TENM1: variants seen among roughly 807,000 people sequenced by gnomAD.
TENM1 encodes the protein teneurin transmembrane protein 1.
A neutral mutation model predicts 174.8 loss-of-function variants in TENM1; 35 were observed. That is an observed-to-expected ratio of 0.20 (90% CI 0.15 to 0.27). TENM1 has a LOEUF of 0.27. TENM1 is among the 10% of genes least tolerant of loss of function. The pLI is 1.00. For synonymous variants in TENM1, 781 were observed against 798.7 expected (o/e 0.98, Z 0.37); for missense variants, 1,633 against 2,130.1 (o/e 0.77, Z 4.59).
intron 23 of TENM1, among the ~76,000 whole-genome samples, chrX:124,440,579 G>T (rs1396076688): frequency 9.0e-6 from 1 of 111,660 alleles, no homozygotes; most frequent in Non-Finnish European, 1.9e-5. Flanking sequence ...AGAAAAAAAT[G>T]ATTTAACATT....
the TENM1 span, among the ~76,000 whole-genome samples, chrX:125,119,456 T>TTC: frequency 9.1e-6 from 1 of 110,282 alleles, no homozygotes; most frequent in African/African-American, 3.3e-5. Context: ...ACTGCTTTTT[T>TTC]TTTTTTCATC....
intron 7 of TENM1, among the ~76,000 whole-genome samples, chrX:124,653,233 G>T (rs2051355414): frequency 9.0e-6 from 1 of 111,462 alleles, no homozygotes; most frequent in African/African-American, 3.3e-5. Context: ...CCTTCATTGG[G>T]AAAAGGGGAC....
chrX:124,543,236 A>G (rs1250026366), intron 15 of TENM1, among the ~76,000 whole-genome samples: 1 of 112,456 alleles, frequency 8.9e-6, no homozygotes, highest in Non-Finnish European at 1.9e-5. Context: ...AATTTTCTGG[A>G]GAAGGAAGAT....
intron 5 of TENM1, among the ~76,000 whole-genome samples, chrX:124,697,768 G>A (rs1334573018): frequency 9.0e-6 from 1 of 110,935 alleles, no homozygotes; most frequent in Non-Finnish European, 1.9e-5. Context: ...AAAAATTAGT[G>A]AGAATAGTGG....
the TENM1 span, among the ~76,000 whole-genome samples, chrX:125,158,510 T>C: frequency 9.2e-6 from 1 of 108,838 alleles, no homozygotes; most frequent in Admixed American, 9.9e-5. Context: ...GGAGCAGAGA[T>C]ACAGGGTCAT....
intron 1 of TENM1, among the ~76,000 whole-genome samples, chrX:124,918,105 C>T (rs184637999): frequency 2.7e-5 from 3 of 111,776 alleles, no homozygotes; most frequent in Admixed American, 9.5e-5. Flanking sequence ...CATATCCTAG[C>T]TTGGGCTATT....
intron 11 of TENM1, among the ~76,000 whole-genome samples, chrX:124,628,761 T>C (rs1156863149): frequency 8.9e-6 from 1 of 112,254 alleles, no homozygotes; most frequent in Non-Finnish European, 1.9e-5. Context: ...CATGACTTCC[T>C]TAAATAAAGA....
chrX:124,874,994 A>G (rs1336831589), intron 3 of TENM1, among the ~76,000 whole-genome samples: 2 of 111,390 alleles, frequency 1.8e-5, no homozygotes, highest in African/African-American at 6.5e-5. Context: ...TTTTCCCCAT[A>G]TATTTTCAAA....
the TENM1 span, among the ~76,000 whole-genome samples, chrX:125,066,107 G>A: frequency 5.4e-5 from 6 of 111,911 alleles, no homozygotes; most frequent in African/African-American, 2.0e-4. Flanking sequence ...TCAAGTAACA[G>A]GAATATATGA....
intron 3 of TENM1, among the ~76,000 whole-genome samples, chrX:124,886,179 C>G (rs1019371611): frequency 9.0e-6 from 1 of 110,932 alleles, no homozygotes; most frequent in Non-Finnish European, 1.9e-5. Context: ...TTTTTTAAAA[C>G]TCTGTTGATA....
chrX:124,792,012 T>C (rs1381833159), intron 3 of TENM1, among the ~76,000 whole-genome samples: 1 of 110,689 alleles, frequency 9.0e-6, no homozygotes. Flanking sequence ...TAGTACAATA[T>C]TTCCTCTCTC....
intron 5 of TENM1, among the ~76,000 whole-genome samples, chrX:124,700,526 A>T (rs866012623): frequency 8.9e-6 from 1 of 111,976 alleles, no homozygotes. Flanking sequence ...TATTATCAAC[A>T]TTCCCATTTT....
At chrX:124,480,916 T>C (rs368243297) in intron 22 of TENM1, among the ~76,000 whole-genome samples, 183 of 111,416 alleles carry the variant, frequency 1.6e-3, no homozygotes, top group African/African-American at 5.4e-3. Flanking sequence ...CAATGATATA[T>C]GATGACAGAC....
intron 23 of TENM1, among the ~76,000 whole-genome samples, chrX:124,443,757 G>C (rs950929024): frequency 7.2e-5 from 8 of 111,540 alleles, no homozygotes; most frequent in Non-Finnish European, 1.3e-4. Flanking sequence ...TTTTCAAGTG[G>C]TTCTTATTTC....
At position 124,700,037 on chromosome X, in the gene TENM1, G is replaced by C. The variant is rs56745000; in HGVS notation, c.1015+4976C>G. On this transcript the variant is annotated intron_variant, in intron 5 of 31. Transcript: ENST00000422452. ...CAAAAGGATTGATAACGGTCTATAG[G>C]ATAATGTGAAATGCTTTTTAGCATT... 9.9e-3 allele frequency among the ~76,000 whole-genome samples: 1,114 copies of C among 112,065 alleles called. 14 individuals carry two copies. The highest frequency in any genetic ancestry group is 0.034 in the African/African-American group (1,063 of 30,936).
At position 124,422,734 on chromosome X, in the gene TENM1, C is replaced by A. The variant is rs2060669012; in HGVS notation, c.4105-96G>T. ...AGAAAAAAAAATTGGTGTATTGTTT[C>A]CCCCGTCTTATGAATTTTAGCAACA... On this transcript the variant is annotated intron_variant, in intron 23 of 31. Transcript: ENST00000422452. The A allele has an allele frequency of 4.4e-6, 4 of 900,497 alleles. No individual in the cohort carries two copies. The Admixed American group carries it at 1.2e-4, about 27-fold the overall frequency. The allele number at this position is 900,497 out of a possible 1,213,427, so 74.2% of individuals were successfully genotyped here. A position where few individuals can be genotyped will look rare whatever the true frequency, so the allele number is the denominator to read the frequency against.
chrX:124,562,934 G>A (rs772497417), intron 13 of TENM1, among the ~76,000 whole-genome samples: 6 of 111,870 alleles, frequency 5.4e-5, no homozygotes, highest in Non-Finnish European at 1.1e-4. Context: ...CTTCTAAATA[G>A]TTTTCCAAGC....
chrX:125,011,447 A>C, the TENM1 span, among the ~76,000 whole-genome samples: 1 of 112,088 alleles, frequency 8.9e-6, no homozygotes, highest in South Asian at 3.7e-4. Context: ...ACAAAGGTCT[A>C]ATATCCAGAA....
At chrX:124,793,903 A>G (rs1459628587) in intron 3 of TENM1, among the ~76,000 whole-genome samples, 2 of 110,559 alleles carry the variant, frequency 1.8e-5, no homozygotes, top group Non-Finnish European at 3.8e-5. Flanking sequence ...TCTCTTTTTA[A>G]AAACCTCTTT....
Sources: allele counts gnomAD v4.1 joint callset (sites outside exome capture counted in the v4.1 genomes callset), GRCh38; gene constraint gnomAD v4.1.1; transcripts MANE v1.5; gene names NCBI Gene and HGNC (gene_info 2026-07-23, HGNC 2026-07-21).